PTPRT: variants seen among roughly 807,000 people sequenced by gnomAD.
PTPRT encodes the protein protein tyrosine phosphatase receptor type T, also known as receptor-type tyrosine-protein phosphatase T.
In PTPRT, 56 loss-of-function variants were observed where a neutral mutation model predicts 176.8. The ratio of observed to expected loss-of-function variants is 0.32; its 90% CI spans 0.26 to 0.40. The LOEUF (loss-of-function observed/expected upper bound fraction) is 0.40, where lower values mean the gene tolerates loss of function less well. Among genes scored for constraint, PTPRT ranks in the 10% least tolerant of loss-of-function variants. The pLI, the probability that PTPRT is intolerant of heterozygous loss-of-function variation, is 1.00. For synonymous variants in PTPRT, 783 were observed against 739.0 expected (o/e 1.06, Z -0.96); for missense variants, 1,540 against 1,908.2 (o/e 0.81, Z 3.60).
At chr20:43,090,126 GA>G (rs2011763059) in intron 1 of PTPRT, among the ~76,000 whole-genome samples, 1 of 152,116 alleles carries the variant, frequency 6.6e-6, no homozygotes, top group Admixed American at 6.5e-5. Context: ...CAATACCAAA[GA>G]AAGAAGTAAG....
intron 1 of PTPRT, among the ~76,000 whole-genome samples, chr20:43,120,022 G>C (rs1446434330): frequency 6.6e-6 from 1 of 152,068 alleles, no homozygotes; most frequent in Non-Finnish European, 1.5e-5. Context: ...GCTCACTGTA[G>C]CCTCATACTC....
At chr20:43,099,074 G>A (rs145317050) in intron 1 of PTPRT, among the ~76,000 whole-genome samples, 1 of 151,984 alleles carries the variant, frequency 6.6e-6, no homozygotes, top group Non-Finnish European at 1.5e-5. Flanking sequence ...CTCGGGTGAT[G>A]GCAGTGTGAC....
intron 1 of PTPRT, among the ~76,000 whole-genome samples, chr20:43,150,105 A>G (rs889498198): frequency 2.0e-5 from 3 of 152,158 alleles, no homozygotes; most frequent in Non-Finnish European, 4.4e-5. Context: ...TTCCCATAAA[A>G]CCTTGGAAGT....
intron 21 of PTPRT, chr20:42,115,895 A>G: frequency 1.7e-6 from 1 of 604,060 alleles, no homozygotes. Flanking sequence ...AAAGGATGGT[A>G]GCTGCTGGAC....
At position 42,633,781 on chromosome 20, in the gene PTPRT, G is replaced by GAA. The variant is rs757072641; in HGVS notation, c.1153+44083_1153+44084dup. Among the ~76,000 whole-genome samples the GAA allele has an allele frequency of 7.1e-3, 234 of 32,762 alleles. 4 individuals are homozygous for GAA. The highest frequency in any genetic ancestry group is 0.027 in the African/African-American group (150 of 5,496). The allele number at this position is 32,762 out of a possible 152,430, so 21.5% of individuals were successfully genotyped here. A position where few individuals can be genotyped will look rare whatever the true frequency, so the allele number is the denominator to read the frequency against. On this transcript the variant is annotated intron_variant, in intron 7 of 30. Transcript: ENST00000373187. ...AGCCTGGGCAACACAGCAAGACTCT[G>GAA]AAAATATATATATATATATATATAT...
At chr20:42,845,594 C>A (rs1487913415) in intron 2 of PTPRT, among the ~76,000 whole-genome samples, 1 of 152,082 alleles carries the variant, frequency 6.6e-6, no homozygotes, top group African/African-American at 2.4e-5. Flanking sequence ...ACCTGCTATA[C>A]CCACGTGGGT....
chr20:42,554,518 G>GT (rs1320248737), intron 7 of PTPRT, among the ~76,000 whole-genome samples: 1 of 152,128 alleles, frequency 6.6e-6, no homozygotes, highest in Non-Finnish European at 1.5e-5. Context: ...GCCTACAAGA[G>GT]TAACAGCCTC....
At chr20:42,412,330 G>A (rs571465681) in intron 9 of PTPRT, among the ~76,000 whole-genome samples, 1 of 152,242 alleles carries the variant, frequency 6.6e-6, no homozygotes, top group South Asian at 2.1e-4. Context: ...CAGTCATTAT[G>A]GAAATCCAAA....
chr20:42,581,349 C>G (rs750719587), intron 7 of PTPRT, among the ~76,000 whole-genome samples: 11 of 152,178 alleles, frequency 7.2e-5, no homozygotes, highest in Admixed American at 1.3e-4. Flanking sequence ...ACCATGAACT[C>G]TACTCATTTA....
In PTPRT at chr20:42,756,512, C is replaced by T. The variant is rs751630191; in HGVS notation, c.809G>A (p.Arg270His). ...GGACACACCAGACCCACCATCAGAG[C>T]GGATCACACAGCGGTACTTGCTGAC... Reference protein sequence around the residue: ...RSVSKYRCVIRSDGGSGVSNY... With the variant: ...RSVSKYRCVIHSDGGSGVSNY... The change falls in exon 6 of 31, where the codon CGC becomes CAC. Residue 270 changes from arginine (R) to histidine (H), a missense_variant. Physicochemically the swap from Arg to His is conservative, Grantham distance 29 (BLOSUM62 0). Coordinates refer to ENST00000373187, the MANE Select transcript of PTPRT (RefSeq NM_007050.6). The T allele has an allele frequency of 4.3e-6, 7 of 1,610,198 alleles. No homozygotes were observed. Among genetic ancestry groups the T allele is most frequent in the Admixed American group, 3.4e-5 (2 of 59,636 alleles).
Position 42,803,796 on chromosome 20 carries a change from T to G in PTPRT, c.215-12330A>C, listed in dbSNP as rs374061306. Among the ~76,000 whole-genome samples the G allele has an allele frequency of 2.2e-4, 33 of 152,304 alleles. 2 individuals are homozygous for G. The South Asian group carries it at 6.8e-3, about 32-fold the overall frequency. ...CTAGAACTCCTGACCTCAGGCAATCTGCCCGCCTCAGCCTCCCAAAGTGCT... is the reference window on the plus strand; with the variant it reads ...CTAGAACTCCTGACCTCAGGCAATCGGCCCGCCTCAGCCTCCCAAAGTGCT... On this transcript the variant is annotated intron_variant, in intron 2 of 30. Transcript: ENST00000373187.
intron 18 of PTPRT, among the ~76,000 whole-genome samples, chr20:42,141,284 G>A (rs2076241): frequency 0.37 from 56,659 of 152,088 alleles, 11,483 homozygotes; most frequent in Middle Eastern, 0.54. Context: ...TACTATAGGA[G>A]TAGCCCCGGG....
chr20:42,986,611 C>A (rs541333399), intron 1 of PTPRT, among the ~76,000 whole-genome samples: 1 of 152,124 alleles, frequency 6.6e-6, no homozygotes, highest in African/African-American at 2.4e-5. Flanking sequence ...AGCTCATGGA[C>A]GATGATGGTG....
chr20:42,751,904 T>A (rs2145385885), intron 6 of PTPRT, among the ~76,000 whole-genome samples: 1 of 152,328 alleles, frequency 6.6e-6, no homozygotes, highest in African/African-American at 2.4e-5. Flanking sequence ...CTTCACCCTG[T>A]GATCATGTGA....
At chr20:42,360,351 T>C (rs1211646239) in intron 9 of PTPRT, among the ~76,000 whole-genome samples, 1 of 152,186 alleles carries the variant, frequency 6.6e-6, no homozygotes, top group African/African-American at 2.4e-5. Context: ...AGGGATATTC[T>C]GAGATTCACT....
intron 7 of PTPRT, among the ~76,000 whole-genome samples, chr20:42,510,631 A>C (rs962043417): frequency 5.3e-5 from 8 of 152,222 alleles, no homozygotes; most frequent in Middle Eastern, 3.4e-3. Context: ...TTGCTAGGCA[A>C]GAAACCAAGA....
At chr20:42,297,454 T>C (rs774209893) in intron 12 of PTPRT, among the ~76,000 whole-genome samples, 1 of 152,150 alleles carries the variant, frequency 6.6e-6, no homozygotes, top group Non-Finnish European at 1.5e-5. Context: ...CTTAAAGATG[T>C]CATTTCACTC....
chr20:42,439,484 A>G (rs1433359674), intron 9 of PTPRT, among the ~76,000 whole-genome samples: 1 of 152,196 alleles, frequency 6.6e-6, no homozygotes, highest in Non-Finnish European at 1.5e-5. Flanking sequence ...AAAAAGACCA[A>G]TGTTTCTTGA....
At chr20:42,358,225 T>A (rs559567909) in intron 9 of PTPRT, among the ~76,000 whole-genome samples, 46 of 152,240 alleles carry the variant, frequency 3.0e-4, no homozygotes, top group Middle Eastern at 3.4e-3. Context: ...TCTTTTTTTT[T>A]TTTTACAGTT....
Sources: gnomAD v4.1 joint callset for allele counts (sites outside exome capture counted in the v4.1 genomes callset) on GRCh38, gnomAD v4.1.1 for gene constraint, MANE v1.5 for transcripts, NCBI Gene and HGNC (gene_info 2026-07-23, HGNC 2026-07-21) for gene names.